The following MICOS10 variants were observed in gnomAD, a reference collection of about 807,000 sequenced individuals.
MICOS10 encodes mitochondrial contact site and cristae organizing system subunit 10.
MICOS10 carries 5 observed loss-of-function variants against 13.4 expected under a neutral mutation model. That is an observed-to-expected ratio of 0.37 (90% CI 0.20 to 0.78). The LOEUF is 0.78. Among genes scored for constraint, MICOS10 ranks in the 30% least tolerant of loss-of-function variants. The pLI is 0.47. For synonymous variants in MICOS10, 35 were observed against 33.6 expected (o/e 1.04, Z -0.15); for missense variants, 101 against 94.6 (o/e 1.07, Z -0.28).
At chr1:19,624,945 CAGA>C (rs2094916965) in intron 3 of MICOS10, among the ~76,000 whole-genome samples, 1 of 152,220 alleles carries the variant, frequency 6.6e-6, no homozygotes, top group African/African-American at 2.4e-5. Context: ...CCTGCATGCA[CAGA>C]AGCCTCAGCT....
intron 1 of MICOS10, among the ~76,000 whole-genome samples, chr1:19,617,655 G>A (rs1291727995): frequency 2.6e-5 from 4 of 152,158 alleles, no homozygotes; most frequent in African/African-American, 9.7e-5. Flanking sequence ...AGTTCCAAGG[G>A]TATTTTCTAT....
At chr1:19,625,353 T>A in intron 3 of MICOS10, 1 of 1,282,296 alleles carries the variant, frequency 7.8e-7, no homozygotes, top group Non-Finnish European at 1.0e-6. Flanking sequence ...AAATCCAAAG[T>A]AGCAGTATCC....
intron 1 of MICOS10, among the ~76,000 whole-genome samples, chr1:19,614,795 A>G (rs1174182302): frequency 6.6e-6 from 1 of 152,186 alleles, no homozygotes; most frequent in East Asian, 1.9e-4. Flanking sequence ...AGTGCTGCAG[A>G]CCCAGCTTCT....
intron 1 of MICOS10, among the ~76,000 whole-genome samples, chr1:19,612,832 A>T (rs1475423532): frequency 6.6e-6 from 1 of 152,184 alleles, no homozygotes; most frequent in Non-Finnish European, 1.5e-5. Context: ...TCAGATGCTG[A>T]CTTCGGATAT....
chr1:19,615,809 A>C (rs1558344597), intron 1 of MICOS10, among the ~76,000 whole-genome samples: 1 of 152,178 alleles, frequency 6.6e-6, no homozygotes. Context: ...CCAAGGATAA[A>C]GGAAATCTTC....
At chr1:19,607,441 A>G (rs2094839531) in intron 1 of MICOS10, among the ~76,000 whole-genome samples, 1 of 152,220 alleles carries the variant, frequency 6.6e-6, no homozygotes. Context: ...AATCCAAGTA[A>G]AAACACAAAT....
intron 1 of MICOS10, among the ~76,000 whole-genome samples, chr1:19,613,200 C>T (rs2094870557): frequency 6.6e-6 from 1 of 152,230 alleles, no homozygotes; most frequent in Admixed American, 6.5e-5. Context: ...TTAGCTCCCA[C>T]TTGCAGTTGC....
chr1:19,604,723 TGTG>T (rs1395402847), intron 1 of MICOS10, among the ~76,000 whole-genome samples: 1 of 152,174 alleles, frequency 6.6e-6, no homozygotes, highest in East Asian at 1.9e-4. Context: ...TACCAGGTAT[TGTG>T]GTAAGCCTTG....
chr1:19,619,559 AG>A, intron 1 of MICOS10, among the ~76,000 whole-genome samples: 1 of 152,316 alleles, frequency 6.6e-6, no homozygotes, highest in Non-Finnish European at 1.5e-5. Context: ...CTTAGGCATA[AG>A]ATAAGGCCTA....
chr1:19,614,004 A>T (rs2094873782), intron 1 of MICOS10, among the ~76,000 whole-genome samples: 1 of 152,174 alleles, frequency 6.6e-6, no homozygotes, highest in Non-Finnish European at 1.5e-5. Context: ...TGCTTAGTGA[A>T]TGCTATTCCC....
intron 1 of MICOS10, among the ~76,000 whole-genome samples, chr1:19,599,803 T>G (rs1429322850): frequency 2.0e-5 from 3 of 151,988 alleles, no homozygotes; most frequent in Admixed American, 6.6e-5. Flanking sequence ...TTAGGTGGAG[T>G]CAGAACTGTG....
rs757964784 is a variant in MICOS10, at chr1:19,608,212, C to G, written c.64+11103C>G. On this transcript the variant is annotated intron_variant, in intron 1 of 3. Coordinates refer to ENST00000322753, the MANE Select transcript of MICOS10 (RefSeq NM_001032363.4). ...AGAATGTATTTGGTGTCTGCCATAT[C>G]TTTGCATCCTTCAATGACACTTTTG... 9 of 1,420,424 alleles carry G rather than the reference C, an allele frequency of 6.3e-6. No homozygotes were observed. In the South Asian group the frequency reaches 9.2e-5, roughly 14 times the overall value. The allele number at this position is 1,420,424 out of a possible 1,614,324, so 88.0% of individuals were successfully genotyped here. A position where few individuals can be genotyped will look rare whatever the true frequency, so the allele number is the denominator to read the frequency against.
chr1:19,627,308 A>G lies in MICOS10; in HGVS notation c.*907A>G, dbSNP rs1466627513. On this transcript the variant is annotated 3_prime_UTR_variant, in exon 4 of 4. Transcript: ENST00000322753. ...CAGCCGTTCTTATTTCTTTTTCCTT[A>G]TCGTAGAATTAAGATAGGGAGAGCC... 1 of 152,126 alleles carries G rather than the reference A, an allele frequency of 6.6e-6. No homozygotes were observed. The highest frequency in any genetic ancestry group is 2.4e-5 in the African/African-American group (1 of 41,424). The allele number at this position is 152,126 out of a possible 1,614,324, so 9.4% of individuals were successfully genotyped here. A position where few individuals can be genotyped will look rare whatever the true frequency, so the allele number is the denominator to read the frequency against.
chr1:19,615,748 T>C (rs1207610406), intron 1 of MICOS10, among the ~76,000 whole-genome samples: 1 of 145,576 alleles, frequency 6.9e-6, no homozygotes, highest in African/African-American at 2.6e-5. Context: ...CACACCCTGC[T>C]GAACTTTCCA....
intron 3 of MICOS10, 163 bp downstream of exon 3, chr1:19,623,746 T>C: frequency 1.7e-6 from 1 of 580,350 alleles, no homozygotes; most frequent in Non-Finnish European, 3.1e-6. Flanking sequence ...TCATCACTGC[T>C]TTGGTGCTAA....
chr1:19,623,415 G>A (rs1358755465), intron 2 of MICOS10, 59 bp from the exon 3 acceptor site: 2 of 1,001,400 alleles, frequency 2.0e-6, no homozygotes, highest in African/African-American at 3.2e-5. Flanking sequence ...TAAGAGGATG[G>A]GGAGCTTTAT....
chr1:19,613,912 C>T (rs2094873513), intron 1 of MICOS10, among the ~76,000 whole-genome samples: 1 of 152,066 alleles, frequency 6.6e-6, no homozygotes, highest in Non-Finnish European at 1.5e-5. Context: ...CCTTTCTGTG[C>T]CTCAGTATCT....
At chr1:19,622,172 CATA>C in intron 2 of MICOS10, 25 bp downstream of exon 2, 3 of 1,574,952 alleles carry the variant, frequency 1.9e-6, no homozygotes, top group Non-Finnish European at 2.6e-6. Context: ...GTCTTTTCAA[CATA>C]ATGTCATAGT....
rs2745233 is a variant in MICOS10, at chr1:19,625,570, C to T, written c.223-817C>T. The T allele has an allele frequency of 0.022, 28,919 of 1,289,328 alleles. 5,251 individuals carry two copies. The African/African-American group carries it at 0.39, about 17-fold the overall frequency. 79.9% of individuals were successfully genotyped at this position (1,289,328 alleles called of 1,614,324 possible). On this transcript the variant is annotated intron_variant, in intron 3 of 3. Coordinates refer to ENST00000322753, the MANE Select transcript of MICOS10 (RefSeq NM_001032363.4). The stretch of plus-strand genomic sequence containing the variant: ...CCTTTTCCACCACTCCCTGGCTCCT[C>T]GCTTTCCTGGCATCAGAGCTGATTG...
Sources: allele counts gnomAD v4.1 joint callset (sites outside exome capture counted in the v4.1 genomes callset), GRCh38; gene constraint gnomAD v4.1.1; transcripts MANE v1.5; gene names NCBI Gene and HGNC (gene_info 2026-07-23, HGNC 2026-07-21).